Variants in PAK2 observed in about 807,000 individuals in gnomAD.
The protein encoded by PAK2 is serine/threonine-protein kinase PAK 2.
In PAK2, 21 loss-of-function variants were observed where a neutral mutation model predicts 65.9. The ratio of observed to expected loss-of-function variants is 0.32; its 90% confidence interval spans 0.23 to 0.46. The LOEUF is 0.46. PAK2 is among the 20% of genes least tolerant of loss of function. The pLI, the probability that PAK2 is intolerant of heterozygous loss-of-function variation, is 1.00. For missense variants in PAK2, 324 were observed against 642.6 expected (o/e 0.50, Z 5.36); for synonymous variants, 204 against 219.7 (o/e 0.93, Z 0.63).
intron 13 of PAK2, among the ~76,000 whole-genome samples, chr3:196,825,026 A>C (rs1429008741): frequency 6.6e-6 from 1 of 152,114 alleles, no homozygotes; most frequent in South Asian, 2.1e-4. Context: ...TAAACCTAAA[A>C]CTTCTAAAAA....
chr3:196,808,496 G>C (rs888558638), intron 7 of PAK2, among the ~76,000 whole-genome samples: 1 of 149,532 alleles, frequency 6.7e-6, no homozygotes, highest in Non-Finnish European at 1.5e-5. Flanking sequence ...GGGAGGCGGA[G>C]GTTATAGTGA....
intron 2 of PAK2, among the ~76,000 whole-genome samples, chr3:196,787,735 CAG>C (rs1041190453): frequency 1.3e-5 from 2 of 152,152 alleles, no homozygotes; most frequent in African/African-American, 2.4e-5. Flanking sequence ...CTCAGAGAGA[CAG>C]AGATGTGTGG....
Position 196,761,113 on chromosome 3 carries a change from G to A in PAK2, c.-22+20956G>A, listed in dbSNP as rs757592375. Among the ~76,000 whole-genome samples, 36 of 148,824 alleles carry A rather than the reference G, an allele frequency of 2.4e-4. 1 individual carries two copies. Among genetic ancestry groups the A allele is most frequent in the South Asian group, 2.1e-4 (1 of 4,672 alleles). On this transcript the variant is annotated intron_variant, in intron 1 of 14. Transcript: ENST00000327134. ...TGTGGTTGTGCATACCTGTAATCCC[G>A]GCTACTCGGTAAGGCTGAGGCAGGA... is the stretch of plus-strand genomic sequence containing the variant.
At chr3:196,821,865 A>G (rs1045213907) in intron 13 of PAK2, among the ~76,000 whole-genome samples, 1 of 152,214 alleles carries the variant, frequency 6.6e-6, no homozygotes, top group Admixed American at 6.5e-5. Context: ...AATTAAAATC[A>G]TACATCCATA....
At position 196,830,485 on chromosome 3, in the gene PAK2, T is replaced by G. The variant is rs1481681133; in HGVS notation, c.*2080T>G. ...GAAAACCAACGAGATGAGAAGACTGTGATCCTCATGTACTCAGAGGCACTT... is the reference window on the plus strand; with the variant it reads ...GAAAACCAACGAGATGAGAAGACTGGGATCCTCATGTACTCAGAGGCACTT... On this transcript the variant is annotated 3_prime_UTR_variant, in exon 15 of 15. Coordinates refer to ENST00000327134, the MANE Select transcript of PAK2 (RefSeq NM_002577.4). 7.9e-6 allele frequency: 1 copy of G among 126,904 alleles called. No individual in the cohort carries two copies. Among genetic ancestry groups the G allele is most frequent in the Admixed American group, 7.6e-5 (1 of 13,226 alleles). The allele number at this position is 126,904 out of a possible 1,614,324, so 7.9% of individuals were successfully genotyped here. A position where few individuals can be genotyped will look rare whatever the true frequency, so the allele number is the denominator to read the frequency against.
rs1172033268 is a variant in PAK2, at chr3:196,770,712, T to C, written c.-21-11914T>C. ...ATCTCGGCTCACTGTAATCTCCGCC[T>C]CCCGGGTTCAAGCAATTCTCCTGCC... On this transcript the variant is annotated intron_variant, in intron 1 of 14. Transcript: ENST00000327134. Among the ~76,000 whole-genome samples the C allele has an allele frequency of 3.7e-5, 5 of 136,720 alleles. No homozygotes were observed. In the East Asian group the frequency reaches 1.0e-3, roughly 27 times the overall value. The allele number at this position is 136,720 out of a possible 152,430, so 89.7% of individuals were successfully genotyped here. A position where few individuals can be genotyped will look rare whatever the true frequency, so the allele number is the denominator to read the frequency against.
intron 6 of PAK2, among the ~76,000 whole-genome samples, chr3:196,807,108 A>G (rs1360830536): frequency 6.6e-6 from 1 of 152,164 alleles, no homozygotes; most frequent in Non-Finnish European, 1.5e-5. Flanking sequence ...TTGAGAATGA[A>G]ATTCCTAACC....
At chr3:196,824,806 A>G (rs1337744077) in intron 13 of PAK2, among the ~76,000 whole-genome samples, 1 of 151,492 alleles carries the variant, frequency 6.6e-6, no homozygotes, top group African/African-American at 2.4e-5. Flanking sequence ...CATATCGAGA[A>G]TGCATTAAAA....
chr3:196,802,917 A>G (rs1715464345), intron 3 of PAK2, 100 bp from the exon 4 acceptor site: 2 of 720,096 alleles, frequency 2.8e-6, no homozygotes, highest in Non-Finnish European at 4.3e-6. Context: ...CCTACACTCA[A>G]AAGATTGGTT....
chr3:196,812,945 G>A, intron 10 of PAK2, 94 bp downstream of exon 10: 1 of 624,226 alleles, frequency 1.6e-6, no homozygotes, highest in South Asian at 1.9e-5. Flanking sequence ...GGAATAAACT[G>A]TCAGTGCCGA....
rs1711616203 is a variant in PAK2, at chr3:196,820,747, T to C, written c.1350+180T>C. On this transcript the variant is annotated intron_variant, in intron 13 of 14. Transcript: ENST00000327134. The surrounding 1 kb of genome is among the most constrained non-coding windows in gnomAD (Gnocchi z 4.6). ...CTGAGTTACAAATTAATGTGTTAGG[T>C]GAAGACTTTGTAGGTTTTTAGTAGT... Among the ~76,000 whole-genome samples, 1 of 152,222 alleles carries C rather than the reference T, an allele frequency of 6.6e-6. No homozygotes were observed. The highest frequency in any genetic ancestry group is 2.1e-4 in the South Asian group (1 of 4,836).
intron 14 of PAK2, 24 bp downstream of exon 14, chr3:196,827,357 T>TG (rs1560121465): frequency 6.3e-7 from 1 of 1,594,454 alleles, no homozygotes; most frequent in African/African-American, 1.4e-5. Context: ...TGATTTCATT[T>TG]GGGGGAATAG....
At chr3:196,751,522 C>G (rs1426652966) in intron 1 of PAK2, among the ~76,000 whole-genome samples, 2 of 150,464 alleles carry the variant, frequency 1.3e-5, no homozygotes, top group Non-Finnish European at 3.0e-5. Context: ...TGGCACGCAC[C>G]TGTAATCCCA....
intron 11 of PAK2, among the ~76,000 whole-genome samples, chr3:196,815,127 C>T (rs924694589): frequency 1.3e-5 from 2 of 151,852 alleles, no homozygotes; most frequent in Middle Eastern, 3.4e-3. Context: ...TTGCAGTGAG[C>T]CGAGATCACA....
intron 14 of PAK2, among the ~76,000 whole-genome samples, chr3:196,828,106 G>GT (rs1711945602): frequency 6.6e-6 from 1 of 152,164 alleles, no homozygotes; most frequent in African/African-American, 2.4e-5. Flanking sequence ...TATTGCTGTT[G>GT]TGTGTATATT....
At chr3:196,740,823 G>T (rs1713166685) in intron 1 of PAK2, among the ~76,000 whole-genome samples, 3 of 152,136 alleles carry the variant, frequency 2.0e-5, no homozygotes. Flanking sequence ...GTTAAGATTG[G>T]TTTTTCACCA....
intron 2 of PAK2, among the ~76,000 whole-genome samples, chr3:196,789,339 T>G (rs923663246): frequency 1.3e-5 from 2 of 152,228 alleles, no homozygotes; most frequent in Admixed American, 6.5e-5. Flanking sequence ...GACTTAGATC[T>G]GTAAACAACC....
At chr3:196,766,462 T>C (rs1220673067) in intron 1 of PAK2, among the ~76,000 whole-genome samples, 1 of 152,234 alleles carries the variant, frequency 6.6e-6, no homozygotes, top group Non-Finnish European at 1.5e-5. Flanking sequence ...CATTCAATTC[T>C]GTTCCGTATT....
chr3:196,763,273 G>T (rs116847777), intron 1 of PAK2, among the ~76,000 whole-genome samples: 2,316 of 152,290 alleles, frequency 0.015, 105 homozygotes, highest in Admixed American at 0.097. Flanking sequence ...AAAAGAGTAT[G>T]TGGGGTGGCT....
Sources: allele counts gnomAD v4.1 joint callset (sites outside exome capture counted in the v4.1 genomes callset), GRCh38; gene constraint gnomAD v4.1.1; non-coding constraint Gnocchi (gnomAD v3.1); transcripts MANE v1.5; gene names NCBI Gene and HGNC (gene_info 2026-07-23, HGNC 2026-07-21).